Variants in MLLT1 observed in about 807,000 individuals in gnomAD.
The protein encoded by MLLT1 is protein ENL.
MLLT1 carries 11 observed loss-of-function variants against 55.1 expected under a neutral mutation model. The observed-to-expected ratio is 0.20, with a 90% CI of 0.13 to 0.33. The LOEUF is 0.33. Ranked by LOEUF, MLLT1 falls within the 10% of genes least tolerant of loss-of-function variation. The pLI is 1.00. For synonymous variants in MLLT1, 323 were observed against 320.1 expected (o/e 1.01, Z -0.10); for missense variants, 536 against 760.6 (o/e 0.70, Z 3.47).
chr19:6,220,350 C>T (rs889541751), intron 6 of MLLT1, among the ~76,000 whole-genome samples: 1 of 152,232 alleles, frequency 6.6e-6, no homozygotes, highest in African/African-American at 2.4e-5. Flanking sequence ...GGGCCTGGGT[C>T]TCACTCCCGC....
Position 6,227,056 on chromosome 19 carries a change from G to T in MLLT1, c.467C>A (p.Pro156His). The T allele has an allele frequency of 6.2e-7, 1 of 1,607,144 alleles. No individual in the cohort carries two copies. The highest frequency in any genetic ancestry group is 8.5e-7 in the Non-Finnish European group (1 of 1,177,304). Residue 156 changes from proline to histidine, a missense_variant, in exon 5 of 12, where the codon CCC becomes CAC. Physicochemically the swap from Pro to His is moderately conservative, Grantham distance 77 (BLOSUM62 -2). This residue lies in a region of MLLT1 where 449 missense variants were observed against 489.0 expected (regional missense o/e 0.92). Coordinates refer to ENST00000252674, the MANE Select transcript of MLLT1 (RefSeq NM_005934.4). The surrounding 1 kb of genome is among the most constrained non-coding windows in gnomAD (Gnocchi z 5.1). ...AATTGTGGGTAACATGGGGTAGTCG[G>T]GACTGGGCCTGGACACCGTGTCTGC... ...EGADTVSRPS[P>H]DYPMLPTIPL...
intron 3 of MLLT1, among the ~76,000 whole-genome samples, chr19:6,239,565 CCA>C (rs1188739387): frequency 6.6e-6 from 1 of 151,986 alleles, no homozygotes; most frequent in Non-Finnish European, 1.5e-5. Context: ...GTACACACAC[CCA>C]CACTTACCCA....
rs2091103385 is a variant in MLLT1 at position 6,240,386 on chromosome 19, G to A, written c.277-9673C>T. On this transcript the variant is annotated intron_variant, in intron 3 of 11. Coordinates refer to ENST00000252674, the MANE Select transcript of MLLT1 (RefSeq NM_005934.4). The surrounding 1 kb of genome is among the most constrained non-coding windows in gnomAD (Gnocchi z 4.7). ...AAACTCCACTGTGGAGCACGCTGCC[G>A]CCACTGGAAGGAGCTCGACAGACAC... Among the ~76,000 whole-genome samples, 1 of 152,218 alleles carries A rather than the reference G, an allele frequency of 6.6e-6. No homozygotes were observed. Among genetic ancestry groups the A allele is most frequent in the African/African-American group, 2.4e-5 (1 of 41,446 alleles).
At chr19:6,224,797 T>A (rs1465270241) in intron 5 of MLLT1, among the ~76,000 whole-genome samples, 1 of 152,216 alleles carries the variant, frequency 6.6e-6, no homozygotes, top group Non-Finnish European at 1.5e-5. Context: ...TGGTGCGATC[T>A]CGGCTCACTG....
chr19:6,241,370 C>T (rs1299319196), intron 3 of MLLT1, among the ~76,000 whole-genome samples: 1 of 152,176 alleles, frequency 6.6e-6, no homozygotes, highest in African/African-American at 2.4e-5. Context: ...CTTCCCTGCT[C>T]TGGGAGCCAC....
chr19:6,246,241 A>G (rs888681690), intron 3 of MLLT1, among the ~76,000 whole-genome samples: 3 of 152,196 alleles, frequency 2.0e-5, no homozygotes, highest in African/African-American at 7.2e-5. Context: ...CAGTTTCTTA[A>G]AAAGTTAAAT....
At chr19:6,279,484 T>C (rs1478587610) in intron 1 of MLLT1, among the ~76,000 whole-genome samples, 2 of 151,438 alleles carry the variant, frequency 1.3e-5, no homozygotes, top group African/African-American at 2.4e-5. Context: ...GGACTGGCGT[T>C]CCGAGGGGTC....
At position 6,212,952 on chromosome 19, in the gene MLLT1, C is replaced by A; in HGVS notation, c.*90G>T. 2.0e-6 allele frequency: 3 copies of A among 1,506,492 alleles called. No homozygotes were observed. The highest frequency in any genetic ancestry group is 1.8e-6 in the Non-Finnish European group (2 of 1,107,868). 93.3% of individuals were successfully genotyped at this position (1,506,492 alleles called of 1,614,324 possible). On this transcript the variant is annotated 3_prime_UTR_variant, in exon 12 of 12. Transcript: ENST00000252674. ...CAGGGCTGTCGCTAAGGCAGTGCTG[C>A]GGGCAGGCGAGACGGGAGAGGAGGG...
intron 3 of MLLT1, among the ~76,000 whole-genome samples, chr19:6,248,964 C>T (rs554231184): frequency 6.6e-6 from 1 of 152,202 alleles, no homozygotes; most frequent in East Asian, 1.9e-4. Flanking sequence ...AGTCAGGAAC[C>T]ATACTCGGTT....
At chr19:6,260,695 C>T (rs1173797478) in intron 3 of MLLT1, among the ~76,000 whole-genome samples, 2 of 152,252 alleles carry the variant, frequency 1.3e-5, no homozygotes, top group Admixed American at 6.5e-5. Context: ...GAAAACCTCA[C>T]TGAGCTTGGG....
At chr19:6,216,017 G>A (rs1433598180) in intron 8 of MLLT1, among the ~76,000 whole-genome samples, 1 of 152,124 alleles carries the variant, frequency 6.6e-6, no homozygotes, top group Non-Finnish European at 1.5e-5. Context: ...ATGTAAGGCA[G>A]GTGGGAAAGG....
At chr19:6,214,096 C>A (rs935596135) in intron 8 of MLLT1, 58 bp from the exon 9 acceptor site, 5 of 1,141,302 alleles carry the variant, frequency 4.4e-6, no homozygotes, top group Non-Finnish European at 5.8e-6. Context: ...CCCCACCCCA[C>A]CCCCAGGCTC....
rs1322894265 is a variant in MLLT1, at chr19:6,229,400, G to A, written c.420+1170C>T. 6.6e-6 allele frequency among the ~76,000 whole-genome samples: 1 copy of A among 151,876 alleles called. No individual in the cohort carries two copies. The highest frequency in any genetic ancestry group is 1.5e-5 in the Non-Finnish European group (1 of 67,956). On this transcript the variant is annotated intron_variant, in intron 4 of 11. Coordinates refer to ENST00000252674, the MANE Select transcript of MLLT1 (RefSeq NM_005934.4). The surrounding 1 kb of genome is among the most constrained non-coding windows in gnomAD (Gnocchi z 5.2). The stretch of plus-strand genomic sequence containing the variant: ...TCTTAGGAGAACGACGGCCACCAAG[G>A]ACCTGACCATGCCCCATGAGGAGGA...
chr19:6,241,262 C>T (rs2144898951), intron 3 of MLLT1, among the ~76,000 whole-genome samples: 1 of 152,320 alleles, frequency 6.6e-6, no homozygotes, highest in African/African-American at 2.4e-5. Context: ...CCCGAGAGCC[C>T]GTGTCCCCCA....
intron 3 of MLLT1, among the ~76,000 whole-genome samples, chr19:6,255,606 A>G (rs929472267): frequency 6.6e-6 from 1 of 152,390 alleles, no homozygotes; most frequent in Middle Eastern, 3.4e-3. Flanking sequence ...AATTAAGTGG[A>G]AAGACATTCC....
chr19:6,224,039 C>T (rs944204421), intron 5 of MLLT1, among the ~76,000 whole-genome samples: 4 of 152,190 alleles, frequency 2.6e-5, no homozygotes, highest in African/African-American at 9.7e-5. Context: ...CACAGATCCC[C>T]CAAAGACATG....
intron 3 of MLLT1, among the ~76,000 whole-genome samples, chr19:6,234,412 C>G (rs2091041008): frequency 1.3e-5 from 2 of 152,212 alleles, no homozygotes; most frequent in African/African-American, 4.8e-5. Flanking sequence ...CACTTCTGGG[C>G]ACAGGGCTGG....
chr19:6,212,394 A>T lies in MLLT1; in HGVS notation c.*648T>A. 1 of 1,066,212 alleles carries T rather than the reference A, an allele frequency of 9.4e-7. No homozygotes were observed. Among genetic ancestry groups the T allele is most frequent in the South Asian group, 4.5e-5 (1 of 21,986 alleles). 66.0% of individuals were successfully genotyped at this position (1,066,212 alleles called of 1,614,324 possible). Reference sequence around the variant, plus strand: ...CACCGCAGAGACATCTTAACCTACAAGCCCCACCGTACGCACCCCCCACCC... The same window carrying T: ...CACCGCAGAGACATCTTAACCTACATGCCCCACCGTACGCACCCCCCACCC... On this transcript the variant is annotated 3_prime_UTR_variant, in exon 12 of 12. Transcript: ENST00000252674.
Position 6,226,840 on chromosome 19 carries a change from G to A in MLLT1, c.546+137C>T. ...GGCAGTGCGCAGCGAGGGGTGTGCA[G>A]AGAGCTCAAAGAGGAAGACGCCAAG... On this transcript the variant is annotated intron_variant, in intron 5 of 11. Transcript: ENST00000252674. The surrounding 1 kb of genome is among the most constrained non-coding windows in gnomAD (Gnocchi z 6.3). The A allele has an allele frequency of 1.7e-6, 1 of 581,498 alleles. No individual in the cohort carries two copies. Among genetic ancestry groups the A allele is most frequent in the South Asian group, 2.6e-5 (1 of 37,994 alleles). The allele number at this position is 581,498 out of a possible 1,614,324, so 36.0% of individuals were successfully genotyped here. A position where few individuals can be genotyped will look rare whatever the true frequency, so the allele number is the denominator to read the frequency against.
Sources: allele counts gnomAD v4.1 joint callset (sites outside exome capture counted in the v4.1 genomes callset), GRCh38; gene constraint gnomAD v4.1.1; regional missense constraint gnomAD v4.1.1; non-coding constraint Gnocchi (gnomAD v3.1); transcripts MANE v1.5; gene names NCBI Gene and HGNC (gene_info 2026-07-23, HGNC 2026-07-21).